The following CDH4 variants were observed in gnomAD, a reference collection of about 807,000 sequenced individuals.
The protein encoded by CDH4 is cadherin-4.
A neutral mutation model predicts 86.0 loss-of-function variants in CDH4; 33 were observed. The ratio of observed to expected loss-of-function variants is 0.38; its 90% CI spans 0.29 to 0.51. The LOEUF (loss-of-function observed/expected upper bound fraction) is 0.51, where lower values mean the gene tolerates loss of function less well. CDH4 is among the 20% of genes least tolerant of loss of function. CDH4 has a pLI of 0.86. For synonymous variants in CDH4, 555 were observed against 549.4 expected, an observed-to-expected ratio of 1.01 and a Z score of -0.14; for missense variants, 1,114 against 1,307.4, an observed-to-expected ratio of 0.85 and a Z score of 2.28.
chr20:61,555,104 C>CGT lies in CDH4; in HGVS notation c.170-188458_170-188457dup, dbSNP rs111335592. Among the ~76,000 whole-genome samples, 270 of 151,872 alleles carry CGT rather than the reference C, an allele frequency of 1.8e-3. 1 individual carries two copies. Among genetic ancestry groups the CGT allele is most frequent in the African/African-American group, 4.8e-3 (197 of 41,390 alleles). On this transcript the variant is annotated intron_variant, in intron 2 of 15. Transcript: ENST00000614565. ...ATGGGAGTGCTCTTCCAGTATGAGC[C>CGT]GTATGTGTGTGTGTGTGTATGTGAA...
intron 8 of CDH4, among the ~76,000 whole-genome samples, chr20:61,906,643 G>A (rs1201141709): frequency 6.6e-6 from 1 of 152,188 alleles, no homozygotes; most frequent in African/African-American, 2.4e-5. Flanking sequence ...GAGCCCAGCA[G>A]TGTGTGCTAC....
At chr20:61,304,549 T>A (rs2123210962) in intron 2 of CDH4, among the ~76,000 whole-genome samples, 1 of 152,018 alleles carries the variant, frequency 6.6e-6, no homozygotes, top group African/African-American at 2.4e-5. Flanking sequence ...ATGCTGTGTG[T>A]TTTGTATGTT....
At chr20:61,491,048 A>G (rs964325249) in intron 2 of CDH4, among the ~76,000 whole-genome samples, 3 of 152,238 alleles carry the variant, frequency 2.0e-5, no homozygotes, top group Admixed American at 1.3e-4. Flanking sequence ...AAAGTGCCTT[A>G]TTCAAGAATA....
intron 8 of CDH4, among the ~76,000 whole-genome samples, chr20:61,896,848 C>T (rs942059326): frequency 1.3e-5 from 2 of 152,206 alleles, no homozygotes; most frequent in Non-Finnish European, 2.9e-5. Flanking sequence ...GGGCTGCACC[C>T]ACACAGCTGG....
At chr20:61,615,830 A>G (rs1281797751) in intron 2 of CDH4, among the ~76,000 whole-genome samples, 1 of 152,228 alleles carries the variant, frequency 6.6e-6, no homozygotes, top group Admixed American at 6.5e-5. Context: ...GGAGCTGGGA[A>G]TAGAACAGAA....
intron 8 of CDH4, among the ~76,000 whole-genome samples, chr20:61,901,683 G>T (rs1298837885): frequency 6.6e-6 from 1 of 152,270 alleles, no homozygotes; most frequent in African/African-American, 2.4e-5. Context: ...CCCAACGCCG[G>T]GTGGCTGGGA....
At chr20:61,878,933 C>T (rs1490451210) in intron 7 of CDH4, among the ~76,000 whole-genome samples, 1 of 152,242 alleles carries the variant, frequency 6.6e-6, no homozygotes, top group Non-Finnish European at 1.5e-5. Flanking sequence ...GCTTAATGTT[C>T]AGAGCTGCCC....
intron 7 of CDH4, among the ~76,000 whole-genome samples, chr20:61,875,346 C>G (rs908340250): frequency 1.3e-5 from 2 of 152,182 alleles, no homozygotes; most frequent in Non-Finnish European, 2.9e-5. Context: ...GGGGGGTAAC[C>G]CTTGGCAGCC....
chr20:61,770,700 G>A lies in CDH4; in HGVS notation c.397-2303G>A, dbSNP rs567971982. Among the ~76,000 whole-genome samples, 5 of 152,192 alleles carry A rather than the reference G, an allele frequency of 3.3e-5. No homozygotes were observed. The South Asian group carries it at 6.2e-4, about 19-fold the overall frequency. On this transcript the variant is annotated intron_variant, in intron 3 of 15. Transcript: ENST00000614565. The stretch of plus-strand genomic sequence containing the variant: ...AGATCGAGACCATCCTGGCTAACAC[G>A]GTAAAACCCCGTCTCTACTAAAAAT...
chr20:61,669,936 G>C (rs865999982), intron 2 of CDH4, among the ~76,000 whole-genome samples: 1 of 152,130 alleles, frequency 6.6e-6, no homozygotes, highest in African/African-American at 2.4e-5. Flanking sequence ...TCCAAGCATG[G>C]GAGGCAGCCT....
chr20:61,877,399 G>A (rs1281663053), intron 7 of CDH4, among the ~76,000 whole-genome samples: 5 of 138,882 alleles, frequency 3.6e-5, no homozygotes, highest in African/African-American at 1.1e-4. Flanking sequence ...CAGCTTCAGC[G>A]TGGCCTGCAA....
At chr20:61,567,059 T>C (rs1257285202) in intron 2 of CDH4, among the ~76,000 whole-genome samples, 1 of 152,166 alleles carries the variant, frequency 6.6e-6, no homozygotes, top group African/African-American at 2.4e-5. Context: ...CAAACGCCCA[T>C]ATCCGTTAGC....
intron 2 of CDH4, among the ~76,000 whole-genome samples, chr20:61,309,237 G>C (rs2084432819): frequency 6.6e-6 from 1 of 152,232 alleles, no homozygotes; most frequent in Admixed American, 6.5e-5. Context: ...GGGCTAGGGG[G>C]CTGTCCCTGT....
chr20:61,899,467 G>C (rs563513789), intron 8 of CDH4, among the ~76,000 whole-genome samples: 1 of 151,966 alleles, frequency 6.6e-6, no homozygotes, highest in Non-Finnish European at 1.5e-5. Context: ...TCGCTCTGTC[G>C]CCCAGGCTGG....
intron 4 of CDH4, among the ~76,000 whole-genome samples, chr20:61,813,262 A>G (rs1009979582): frequency 6.6e-6 from 1 of 152,022 alleles, no homozygotes; most frequent in Non-Finnish European, 1.5e-5. Flanking sequence ...TCGGGCCGGG[A>G]TCTCCCCCAC....
intron 2 of CDH4, among the ~76,000 whole-genome samples, chr20:61,638,793 CG>C (rs1836254955): frequency 6.6e-6 from 1 of 152,086 alleles, no homozygotes; most frequent in South Asian, 2.1e-4. Context: ...GGATGGATGA[CG>C]GATGGGTTAT....
intron 2 of CDH4, among the ~76,000 whole-genome samples, chr20:61,593,806 A>T (rs2086534674): frequency 6.6e-6 from 1 of 151,106 alleles, no homozygotes; most frequent in Non-Finnish European, 1.5e-5. Flanking sequence ...GATGCCCGGG[A>T]GTCTGGGCCG....
chr20:61,758,177 C>T (rs6061348), intron 3 of CDH4, among the ~76,000 whole-genome samples: 28,118 of 152,024 alleles, frequency 0.18, 2,889 homozygotes, highest in African/African-American at 0.26. Flanking sequence ...AGGGTAGAGG[C>T]GCTGTTTCAT....
intron 2 of CDH4, among the ~76,000 whole-genome samples, chr20:61,270,591 T>C (rs2084178236): frequency 2.7e-5 from 4 of 150,824 alleles, no homozygotes; most frequent in Admixed American, 2.6e-4. Flanking sequence ...TACTCTTCCA[T>C]GTGGAGCAAA....
Sources: allele counts gnomAD v4.1 joint callset (sites outside exome capture counted in the v4.1 genomes callset), GRCh38; gene constraint gnomAD v4.1.1; transcripts MANE v1.5; gene names NCBI Gene and HGNC (gene_info 2026-07-23, HGNC 2026-07-21).